The following PARM1 variants were observed in gnomAD, a reference collection of about 807,000 sequenced individuals.
PARM1 encodes the protein WSC4, cell wall integrity and stress response component 4 homolog.
A neutral mutation model predicts 24.6 loss-of-function variants in PARM1; 14 were observed. The observed-to-expected ratio is 0.57, with a 90% CI of 0.38 to 0.89. PARM1 has a LOEUF of 0.89. Ranked by LOEUF, PARM1 falls within the 40% of genes least tolerant of loss-of-function variation. The pLI is 0.00. For synonymous variants in PARM1, 179 were observed against 156.6 expected (o/e 1.14, Z -1.07); for missense variants, 362 against 380.4 (o/e 0.95, Z 0.40).
intron 1 of PARM1, among the ~76,000 whole-genome samples, chr4:74,976,660 A>G (rs1157346668): frequency 6.6e-6 from 1 of 152,210 alleles, no homozygotes; most frequent in Non-Finnish European, 1.5e-5. Flanking sequence ...AGACATGCCA[A>G]CAGGGGTTGC....
At chr4:74,989,265 A>C (rs1352489984) in intron 1 of PARM1, among the ~76,000 whole-genome samples, 1 of 152,122 alleles carries the variant, frequency 6.6e-6, no homozygotes, top group South Asian at 2.1e-4. Flanking sequence ...GACTGCCCCT[A>C]CTTCAGACAG....
At chr4:75,032,780 T>A (rs892744001) in intron 2 of PARM1, among the ~76,000 whole-genome samples, 1 of 152,246 alleles carries the variant, frequency 6.6e-6, no homozygotes, top group African/African-American at 2.4e-5. Context: ...ATATTCAGAC[T>A]CCACATCTCT....
At chr4:74,979,499 C>T (rs532510469) in intron 1 of PARM1, among the ~76,000 whole-genome samples, 122 of 152,212 alleles carry the variant, frequency 8.0e-4, no homozygotes, top group African/African-American at 2.8e-3. Context: ...AGCTCATGAT[C>T]AGACAGATTC....
intron 1 of PARM1, among the ~76,000 whole-genome samples, chr4:74,933,980 C>G (rs1309732707): frequency 2.0e-5 from 3 of 152,316 alleles, no homozygotes; most frequent in African/African-American, 7.2e-5. Flanking sequence ...AGGCTACCTT[C>G]TGCCCCAGAA....
At chr4:74,972,468 C>T (rs1722058143) in intron 1 of PARM1, among the ~76,000 whole-genome samples, 1 of 152,186 alleles carries the variant, frequency 6.6e-6, no homozygotes, top group African/African-American at 2.4e-5. Context: ...AAGCACAAAT[C>T]TAAGTCAACA....
At chr4:74,997,944 C>T (rs1325539347) in intron 1 of PARM1, among the ~76,000 whole-genome samples, 1 of 152,200 alleles carries the variant, frequency 6.6e-6, no homozygotes, top group Non-Finnish European at 1.5e-5. Flanking sequence ...TTGAGCTTAA[C>T]AGAGCCAATT....
intron 1 of PARM1, among the ~76,000 whole-genome samples, chr4:74,998,844 A>G (rs1467950859): frequency 1.3e-5 from 2 of 152,230 alleles, no homozygotes; most frequent in African/African-American, 2.4e-5. Flanking sequence ...TTGACAATAT[A>G]TCAGGACTTA....
Position 75,013,045 on chromosome 4 carries a change from C to A in PARM1, c.664C>A (p.Pro222Thr). Residue 222 changes from proline to threonine, a missense_variant, in exon 2 of 4, where the codon CCA becomes ACA. Pro to Thr is a conservative substitution (Grantham distance 38, BLOSUM62 -1). Transcript: ENST00000307428. ...GCCAGTACCCCAGGAGAAAACACCCCCAACAACTGTGTCAGGCAAAGTGAT... is the reference window on the plus strand; with the variant it reads ...GCCAGTACCCCAGGAGAAAACACCCACAACAACTGTGTCAGGCAAAGTGAT... The part of the protein sequence containing the change: ...AEPVPQEKTP[P>T]TTVSGKVMCE... 1 of 1,613,964 alleles carries A rather than the reference C, an allele frequency of 6.2e-7. No homozygotes were observed.
At chr4:74,973,716 T>G (rs1722086451) in intron 1 of PARM1, among the ~76,000 whole-genome samples, 1 of 152,094 alleles carries the variant, frequency 6.6e-6, no homozygotes, top group South Asian at 2.1e-4. Flanking sequence ...ATATTCACAC[T>G]CTGCAGATTC....
rs368039119 is a variant in PARM1, at chr4:75,012,656, G to A, written c.275G>A (p.Ser92Asn). The A allele has an allele frequency of 6.2e-7, 1 of 1,613,996 alleles. No homozygotes were observed. Among genetic ancestry groups the A allele is most frequent in the East Asian group, 2.2e-5 (1 of 44,886 alleles). Reference sequence around the variant, plus strand: ...GAGTCCAGAGAAGAGGAGATCACCAGCCCAGGTTCGAATTGGGAAGGCACA... The same window carrying A: ...GAGTCCAGAGAAGAGGAGATCACCAACCCAGGTTCGAATTGGGAAGGCACA... Reference protein sequence around the residue: ...SIESREEEITSPGSNWEGTNT... With the variant: ...SIESREEEITNPGSNWEGTNT... The change falls in exon 2 of 4, where the codon AGC (serine) becomes AAC (asparagine). Residue 92 changes from serine (S) to asparagine (N), a missense_variant. By Grantham distance (46) the Ser-to-Asn change is conservative. Coordinates refer to ENST00000307428, the MANE Select transcript of PARM1 (RefSeq NM_015393.4).
chr4:74,950,902 C>G (rs756116990), intron 1 of PARM1, among the ~76,000 whole-genome samples: 3 of 151,492 alleles, frequency 2.0e-5, no homozygotes, highest in African/African-American at 7.3e-5. Flanking sequence ...ATACCGATAG[C>G]ACCCTGCAGG....
chr4:74,995,702 T>G (rs904394742), intron 1 of PARM1, among the ~76,000 whole-genome samples: 1 of 152,124 alleles, frequency 6.6e-6, no homozygotes, highest in African/African-American at 2.4e-5. Flanking sequence ...GTGCATTCAC[T>G]TTTCTCCATG....
chr4:75,027,331 G>A (rs1027717941), intron 2 of PARM1, among the ~76,000 whole-genome samples: 1 of 152,048 alleles, frequency 6.6e-6, no homozygotes, highest in Non-Finnish European at 1.5e-5. Flanking sequence ...GAGCTCATTC[G>A]GGAGAGGCTT....
At chr4:74,971,719 C>A (rs147334380) in intron 1 of PARM1, among the ~76,000 whole-genome samples, 1 of 152,328 alleles carries the variant, frequency 6.6e-6, no homozygotes, top group Non-Finnish European at 1.5e-5. Context: ...TCTTGCTTTG[C>A]TGAATTGCAC....
chr4:75,007,043 C>T (rs1432083018), intron 1 of PARM1, among the ~76,000 whole-genome samples: 3 of 152,146 alleles, frequency 2.0e-5, no homozygotes, highest in African/African-American at 7.2e-5. Context: ...AATCAAGCAA[C>T]CCCATCAAAA....
chr4:74,955,458 A>G (rs1034745975), intron 1 of PARM1, among the ~76,000 whole-genome samples: 7 of 152,258 alleles, frequency 4.6e-5, no homozygotes, highest in Non-Finnish European at 8.8e-5. Context: ...AATTGTATCA[A>G]ACATTATGTA....
At chr4:74,969,203 C>T (rs892191507) in intron 1 of PARM1, among the ~76,000 whole-genome samples, 2 of 152,126 alleles carry the variant, frequency 1.3e-5, no homozygotes, top group Admixed American at 6.5e-5. Flanking sequence ...TACAGAAGTA[C>T]CCAGAGAGAG....
intron 3 of PARM1, among the ~76,000 whole-genome samples, chr4:75,044,959 A>T (rs1345123404): frequency 6.6e-6 from 1 of 152,232 alleles, no homozygotes; most frequent in Non-Finnish European, 1.5e-5. Flanking sequence ...ACCCGCCCCC[A>T]TAATTTGATC....
At chr4:74,999,868 T>C (rs1224155791) in intron 1 of PARM1, among the ~76,000 whole-genome samples, 1 of 152,210 alleles carries the variant, frequency 6.6e-6, no homozygotes, top group Non-Finnish European at 1.5e-5. Flanking sequence ...ATGCGTGTCG[T>C]ATCATGACTC....
Sources: gnomAD v4.1 joint callset for allele counts (sites outside exome capture counted in the v4.1 genomes callset) on GRCh38, gnomAD v4.1.1 for gene constraint, MANE v1.5 for transcripts, NCBI Gene and HGNC (gene_info 2026-07-23, HGNC 2026-07-21) for gene names.